Variants in CHCHD3 observed in about 807,000 individuals in gnomAD.
CHCHD3 encodes coiled-coil-helix-coiled-coil-helix domain containing 3.
In CHCHD3, 20 loss-of-function variants were observed where a neutral mutation model predicts 38.2. That is an observed-to-expected ratio of 0.52 (90% confidence interval 0.37 to 0.76). The LOEUF (loss-of-function observed/expected upper bound fraction) is 0.76. Among genes scored for constraint, CHCHD3 ranks in the 30% least tolerant of loss-of-function variants. The pLI, the probability that CHCHD3 is intolerant of heterozygous loss-of-function variation, is 0.00. For synonymous variants in CHCHD3, 82 were observed against 100.0 expected, an observed-to-expected ratio of 0.82 and a Z score of 1.07; for missense variants, 245 against 279.2, an observed-to-expected ratio of 0.88 and a Z score of 0.87.
intron 5 of CHCHD3, among the ~76,000 whole-genome samples, chr7:132,874,348 T>A (rs1808843695): frequency 6.6e-6 from 1 of 152,208 alleles, no homozygotes; most frequent in African/African-American, 2.4e-5. Context: ...TTCTACGCTA[T>A]GTAAGTAAAC....
At chr7:132,932,377 GA>G (rs1157411134) in intron 4 of CHCHD3, among the ~76,000 whole-genome samples, 1 of 152,210 alleles carries the variant, frequency 6.6e-6, no homozygotes, top group Non-Finnish European at 1.5e-5. Flanking sequence ...GAGGGACACA[GA>G]AAAGAATCAA....
At chr7:132,982,975 T>A (rs1811958299) in intron 3 of CHCHD3, among the ~76,000 whole-genome samples, 1 of 152,200 alleles carries the variant, frequency 6.6e-6, no homozygotes, top group Non-Finnish European at 1.5e-5. Flanking sequence ...AATATGTTGA[T>A]TCTGGTCAGT....
chr7:133,050,545 C>T (rs1389503200), intron 2 of CHCHD3, among the ~76,000 whole-genome samples: 1 of 151,904 alleles, frequency 6.6e-6, no homozygotes, highest in African/African-American at 2.4e-5. Context: ...AAGACTTGGG[C>T]TCTGAATGTA....
chr7:132,984,636 G>A lies in CHCHD3; in HGVS notation c.252-9350C>T, dbSNP rs1271046984. ...AAGTGAGGAGCGTCTCTGCCAGGCC[G>A]CCCATCGTCTGAGATGTGGGGAGTG... On this transcript the variant is annotated intron_variant, in intron 3 of 7. Coordinates refer to ENST00000262570, the MANE Select transcript of CHCHD3 (RefSeq NM_017812.4). Among the ~76,000 whole-genome samples the A allele has an allele frequency of 5.2e-4, 77 of 147,252 alleles. 1 individual carries two copies. The East Asian group carries it at 0.014, about 27-fold the overall frequency.
At chr7:132,861,994 A>G (rs1808502572) in intron 5 of CHCHD3, among the ~76,000 whole-genome samples, 1 of 152,178 alleles carries the variant, frequency 6.6e-6, no homozygotes, top group South Asian at 2.1e-4. Flanking sequence ...ATTCCTTCCC[A>G]CTAACCTACT....
At chr7:132,851,281 T>C (rs1005228561) in intron 5 of CHCHD3, among the ~76,000 whole-genome samples, 6 of 152,136 alleles carry the variant, frequency 3.9e-5, no homozygotes, top group Non-Finnish European at 7.4e-5. Flanking sequence ...TCATTTCCAG[T>C]AGGTATTAAG....
chr7:132,942,743 A>C (rs1810800103), intron 4 of CHCHD3, among the ~76,000 whole-genome samples: 1 of 152,216 alleles, frequency 6.6e-6, no homozygotes. Context: ...AAAAACATAT[A>C]ACACAAATGT....
chr7:132,912,421 G>A (rs1040599539), intron 4 of CHCHD3, among the ~76,000 whole-genome samples: 2 of 152,180 alleles, frequency 1.3e-5, no homozygotes, highest in Non-Finnish European at 2.9e-5. Context: ...GTGAAGTATG[G>A]GAGTAAATTA....
chr7:133,035,098 T>C lies in CHCHD3; in HGVS notation c.170-10471A>G, dbSNP rs370615338. ...AGGTGAGCGAAGGGGTCCTTGGCCT[T>C]GGGCTCAGCAGCCAGCGCCTGCTCA... On this transcript the variant is annotated intron_variant, in intron 2 of 7. Transcript: ENST00000262570. This position sits in a 1 kb window ranked among gnomAD's most constrained non-coding sequence, Gnocchi z 4.7. 4 of 1,613,740 alleles carry C rather than the reference T, an allele frequency of 2.5e-6. No homozygotes were observed. The highest frequency in any genetic ancestry group is 2.2e-5 in the East Asian group (1 of 44,878).
intron 1 of CHCHD3, among the ~76,000 whole-genome samples, chr7:133,072,008 A>G (rs1814830904): frequency 6.6e-6 from 1 of 152,120 alleles, no homozygotes; most frequent in Non-Finnish European, 1.5e-5. Flanking sequence ...CTAAAATTGC[A>G]TTGTAGTGAT....
At chr7:132,795,287 G>T (rs1585519981) in intron 7 of CHCHD3, among the ~76,000 whole-genome samples, 1 of 152,160 alleles carries the variant, frequency 6.6e-6, no homozygotes, top group Non-Finnish European at 1.5e-5. Context: ...TTTATTAACA[G>T]CATATCAGAA....
intron 1 of CHCHD3, among the ~76,000 whole-genome samples, chr7:133,075,994 G>A (rs1450671970): frequency 1.3e-5 from 2 of 148,150 alleles, no homozygotes; most frequent in African/African-American, 5.0e-5. Context: ...AGAAGGTGGA[G>A]GTTGCAATGA....
At chr7:133,032,578 C>G (rs747894620) in intron 2 of CHCHD3, among the ~76,000 whole-genome samples, 1 of 152,144 alleles carries the variant, frequency 6.6e-6, no homozygotes, top group South Asian at 2.1e-4. Context: ...ACAATAAGCA[C>G]CCATAGAAAC....
At chr7:133,030,246 C>T (rs1813464097) in intron 2 of CHCHD3, among the ~76,000 whole-genome samples, 1 of 152,136 alleles carries the variant, frequency 6.6e-6, no homozygotes, top group Non-Finnish European at 1.5e-5. Context: ...CAATAGAATA[C>T]ATAAAGCAAT....
intron 3 of CHCHD3, among the ~76,000 whole-genome samples, chr7:133,017,729 C>G (rs1272582589): frequency 6.6e-6 from 1 of 152,074 alleles, no homozygotes; most frequent in African/African-American, 2.4e-5. Context: ...AAAATATCTT[C>G]TCAAACAGGA....
chr7:133,058,160 A>AC (rs1562950750), intron 2 of CHCHD3, among the ~76,000 whole-genome samples: 1 of 152,200 alleles, frequency 6.6e-6, no homozygotes, highest in Admixed American at 6.5e-5. Flanking sequence ...GGAAAAAGAA[A>AC]CAGGTGATTG....
chr7:132,892,157 T>G (rs1425767441), intron 4 of CHCHD3, among the ~76,000 whole-genome samples: 2 of 152,148 alleles, frequency 1.3e-5, no homozygotes, highest in Non-Finnish European at 2.9e-5. Flanking sequence ...AATTTGGAGA[T>G]CTCAGAAGAT....
At chr7:132,975,926 A>T (rs899910439) in intron 3 of CHCHD3, among the ~76,000 whole-genome samples, 1 of 14,856 alleles carries the variant, frequency 6.7e-5, no homozygotes, top group African/African-American at 2.0e-4. Flanking sequence ...GACTCCGTTT[A>T]AAAAAAAAAA....
At chr7:132,812,135 T>A (rs753698785) in intron 6 of CHCHD3, among the ~76,000 whole-genome samples, 21 of 151,936 alleles carry the variant, frequency 1.4e-4, no homozygotes, top group Non-Finnish European at 2.8e-4. Flanking sequence ...CCAATATCCA[T>A]TCTGTCACGT....
Sources: gnomAD v4.1 joint callset for allele counts (sites outside exome capture counted in the v4.1 genomes callset) on GRCh38, gnomAD v4.1.1 for gene constraint, Gnocchi (gnomAD v3.1) non-coding constraint, MANE v1.5 for transcripts, NCBI Gene and HGNC (gene_info 2026-07-23, HGNC 2026-07-21) for gene names.